The following ROBO2 variants were observed in gnomAD, a reference collection of about 807,000 sequenced individuals.
ROBO2 encodes roundabout homolog 2.
A neutral mutation model predicts 160.8 loss-of-function variants in ROBO2; 53 were observed. The ratio of observed to expected loss-of-function variants is 0.33; its 90% CI spans 0.26 to 0.41. The LOEUF is 0.41. Among genes scored for constraint, ROBO2 ranks in the 10% least tolerant of loss-of-function variants. The pLI, the probability that ROBO2 is intolerant of heterozygous loss-of-function variation, is 1.00. For synonymous variants in ROBO2, 664 were observed against 611.7 expected, an observed-to-expected ratio of 1.09 and a Z score of -1.26; for missense variants, 1,577 against 1,722.4, an observed-to-expected ratio of 0.92 and a Z score of 1.49.
intron 2 of ROBO2, among the ~76,000 whole-genome samples, chr3:76,808,198 T>G (rs1359354478): frequency 6.6e-6 from 1 of 152,134 alleles, no homozygotes; most frequent in Non-Finnish European, 1.5e-5. Context: ...TTGTGTTACT[T>G]AAGCTGCACT....
intron 2 of ROBO2, among the ~76,000 whole-genome samples, chr3:76,485,584 G>C (rs1218499475): frequency 6.6e-6 from 1 of 152,148 alleles, no homozygotes; most frequent in Admixed American, 6.6e-5. Flanking sequence ...AATGTGGAAA[G>C]ACCTTTGCCT....
At chr3:77,596,738 T>A (rs778919575) in exon 19 of ROBO2, 1 of 1,613,720 alleles carries the variant, frequency 6.2e-7, no homozygotes, top group East Asian at 2.2e-5. Flanking sequence ...GATTGGAAAT[T>A]TTGGCCGTGG....
chr3:76,699,065 A>G (rs2092992876), intron 2 of ROBO2, among the ~76,000 whole-genome samples: 1 of 152,192 alleles, frequency 6.6e-6, no homozygotes, highest in African/African-American at 2.4e-5. Context: ...TTAAATACAA[A>G]TATAACTGTA....
chr3:77,450,773 G>A (rs2081034795), intron 2 of ROBO2, among the ~76,000 whole-genome samples: 2 of 152,080 alleles, frequency 1.3e-5, no homozygotes, highest in Non-Finnish European at 2.9e-5. Flanking sequence ...TAAAGGTAAA[G>A]ATAGTGGAAG....
intron 2 of ROBO2, among the ~76,000 whole-genome samples, chr3:76,462,150 A>AT (rs377200455): frequency 1.4e-3 from 209 of 152,312 alleles, no homozygotes; most frequent in African/African-American, 4.5e-3. Flanking sequence ...TTCAAAAGTG[A>AT]TTTATCAAAG....
intron 2 of ROBO2, among the ~76,000 whole-genome samples, chr3:76,576,922 A>C (rs899722463): frequency 1.3e-5 from 2 of 152,014 alleles, no homozygotes; most frequent in Non-Finnish European, 2.9e-5. Flanking sequence ...CAGGGACACT[A>C]TACCTTGTAA....
intron 2 of ROBO2, among the ~76,000 whole-genome samples, chr3:76,948,889 TATATATATATATATATATA>T (rs1225834543): frequency 5.7e-4 from 14 of 24,650 alleles, no homozygotes; most frequent in African/African-American, 1.7e-3. Context: ...TATATATATA[TATATATATATATATATATA>T]TTTTTTTTTT....
chr3:76,863,515 C>T (rs1273456808), intron 2 of ROBO2, among the ~76,000 whole-genome samples: 1 of 151,696 alleles, frequency 6.6e-6, no homozygotes, highest in Non-Finnish European at 1.5e-5. Flanking sequence ...TCTATTACGC[C>T]TTCCTATTCT....
At chr3:76,108,942 A>G (rs1307535855) in intron 2 of ROBO2, among the ~76,000 whole-genome samples, 1 of 150,822 alleles carries the variant, frequency 6.6e-6, no homozygotes, top group Non-Finnish European at 1.5e-5. Context: ...GATTTTAGTT[A>G]TATAAGGTTA....
At chr3:77,416,052 A>G (rs916179329) in intron 2 of ROBO2, among the ~76,000 whole-genome samples, 1 of 152,166 alleles carries the variant, frequency 6.6e-6, no homozygotes, top group Non-Finnish European at 1.5e-5. Context: ...TCCCACAACC[A>G]AGAAGGATGA....
chr3:77,618,643 A>C (rs2094833360), intron 22 of ROBO2, among the ~76,000 whole-genome samples: 1 of 151,998 alleles, frequency 6.6e-6, no homozygotes, highest in Non-Finnish European at 1.5e-5. Context: ...AAATTGTTCT[A>C]GTCATGGGGA....
intron 2 of ROBO2, among the ~76,000 whole-genome samples, chr3:76,880,316 C>T (rs530809328): frequency 4.6e-5 from 7 of 151,758 alleles, no homozygotes; most frequent in East Asian, 1.9e-4. Flanking sequence ...ATGGCTAAAC[C>T]GGATAAAATT....
intron 2 of ROBO2, among the ~76,000 whole-genome samples, chr3:77,020,981 G>A (rs1360890222): frequency 2.0e-5 from 3 of 152,042 alleles, no homozygotes; most frequent in African/African-American, 7.2e-5. Flanking sequence ...AAGGTGGAAG[G>A]GTTGCTTGAG....
Position 76,058,896 on chromosome 3 carries a change from G to A in ROBO2, c.109+121294G>A, listed in dbSNP as rs1434359604. ...TTCCCACCTATGAGTGAGAACATGTGGTGTTTGGTTTTTTGTCTTTGCGAT... is the reference window on the plus strand; with the variant it reads ...TTCCCACCTATGAGTGAGAACATGTAGTGTTTGGTTTTTTGTCTTTGCGAT... On this transcript the variant is annotated intron_variant, in intron 2 of 26. Coordinates refer to the ROBO2 transcript ENST00000487694. Among the ~76,000 whole-genome samples, 211 of 146,828 alleles carry A rather than the reference G, an allele frequency of 1.4e-3. 1 individual carries two copies. Among genetic ancestry groups the A allele is most frequent in the African/African-American group, 5.3e-3 (207 of 39,334 alleles).
At chr3:77,546,369 T>C (rs754186170) in exon 7 of ROBO2, 1 of 1,613,268 alleles carries the variant, frequency 6.2e-7, no homozygotes, top group Non-Finnish European at 8.5e-7. Context: ...GGCCAAGAGA[T>C]CAGATTGTTG....
chr3:76,067,233 A>G (rs983152912), intron 2 of ROBO2, among the ~76,000 whole-genome samples: 4 of 152,180 alleles, frequency 2.6e-5, no homozygotes, highest in Admixed American at 6.5e-5. Flanking sequence ...AAAAATGGGG[A>G]TAATAAAGAA....
At chr3:76,868,405 G>T (rs2071611514) in intron 2 of ROBO2, among the ~76,000 whole-genome samples, 1 of 152,098 alleles carries the variant, frequency 6.6e-6, no homozygotes, top group Non-Finnish European at 1.5e-5. Flanking sequence ...ACCACAGATT[G>T]TCTCTTTGGG....
intron 20 of ROBO2, chr3:77,603,781 T>G (rs917203670): frequency 2.6e-5 from 4 of 152,124 alleles, no homozygotes; most frequent in Non-Finnish European, 5.9e-5. Flanking sequence ...ACCTGTAAAA[T>G]GAGGAGGTTG....
In ROBO2 at chr3:76,101,827, G is replaced by A. The variant is rs113546972; in HGVS notation, c.109+164225G>A. ...TGTCCCTGTGTTCCCATTATACCCC[G>A]GGGTGTGATGTTCCCCTTCCTGTGT... On this transcript the variant is annotated intron_variant, in intron 2 of 26. Transcript: ENST00000487694. Among the ~76,000 whole-genome samples the A allele has an allele frequency of 3.3e-4, 45 of 137,858 alleles. 1 individual carries two copies. Among genetic ancestry groups the A allele is most frequent in the Admixed American group, 3.1e-3 (42 of 13,626 alleles). The allele number at this position is 137,858 out of a possible 152,430, so 90.4% of individuals were successfully genotyped here.
Sources: gnomAD v4.1 joint callset for allele counts (sites outside exome capture counted in the v4.1 genomes callset) on GRCh38, gnomAD v4.1.1 for gene constraint, MANE v1.5 for transcripts, NCBI Gene and HGNC (gene_info 2026-07-23, HGNC 2026-07-21) for gene names.